CRYBG3: variants seen among roughly 807,000 people sequenced by gnomAD.
CRYBG3 encodes very large A-kinase anchor protein.
In CRYBG3, 127 loss-of-function variants were observed where a neutral mutation model predicts 244.2. The observed-to-expected ratio is 0.52, with a 90% CI of 0.45 to 0.60. CRYBG3 has a LOEUF of 0.60. Among genes scored for constraint, CRYBG3 ranks in the 20% least tolerant of loss-of-function variants. The pLI, the probability that CRYBG3 is intolerant of heterozygous loss-of-function variation, is 0.00. For synonymous variants in CRYBG3, 1,132 were observed against 1,195.8 expected, an observed-to-expected ratio of 0.95 and a Z score of 1.10; for missense variants, 3,325 against 3,442.5, an observed-to-expected ratio of 0.97 and a Z score of 0.85.
chr3:97,858,697 C>A (rs764262956), intron 2 of CRYBG3, among the ~76,000 whole-genome samples: 49 of 152,066 alleles, frequency 3.2e-4, no homozygotes, highest in Admixed American at 1.3e-3. Flanking sequence ...TTGACTTTAT[C>A]ATTCATATCA....
intron 19 of CRYBG3, among the ~76,000 whole-genome samples, chr3:97,940,783 G>A (rs906509842): frequency 1.3e-5 from 2 of 151,848 alleles, no homozygotes; most frequent in Non-Finnish European, 2.9e-5. Flanking sequence ...ATCCTTGTAG[G>A]TAATAACTCC....
intron 17 of CRYBG3, among the ~76,000 whole-genome samples, chr3:97,923,440 G>T (rs546187494): frequency 6.6e-6 from 1 of 152,086 alleles, no homozygotes; most frequent in Non-Finnish European, 1.5e-5. Flanking sequence ...TTTTGAAAAT[G>T]CAGGCCAACA....
chr3:97,846,591 A>T (rs1309413586), intron 2 of CRYBG3, among the ~76,000 whole-genome samples: 2 of 151,856 alleles, frequency 1.3e-5, no homozygotes, highest in East Asian at 3.9e-4. Context: ...GAAAGTAGGG[A>T]GGATTGTCTT....
At chr3:97,882,128 G>A (rs572665631) in intron 7 of CRYBG3, among the ~76,000 whole-genome samples, 4 of 152,108 alleles carry the variant, frequency 2.6e-5, no homozygotes, top group South Asian at 2.1e-4. Context: ...AGAATCACTT[G>A]AACCTGGAGG....
chr3:97,873,049 C>A lies in CRYBG3; in HGVS notation c.1855C>A (p.His619Asn). Residue 619 changes from histidine to asparagine, a missense_variant, in exon 4 of 22, where the codon CAC becomes AAC. This residue lies in a region of CRYBG3 where 1,526 missense variants were observed against 1,443.2 expected (regional missense o/e 1.06). Transcript: ENST00000389622. ...GTTGAAATTTGAACTTAATAGAAGT[C>A]ACATTTCAGAAACTCCTCTTGACTC... Reference protein sequence around the residue: ...PELKFELNRSHISETPLDSES... With the variant: ...PELKFELNRSNISETPLDSES... 1.3e-6 allele frequency: 2 copies of A among 1,534,688 alleles called. No individual in the cohort carries two copies. The highest frequency in any genetic ancestry group is 2.4e-5 in the South Asian group (2 of 83,650).
intron 15 of CRYBG3, among the ~76,000 whole-genome samples, chr3:97,906,106 C>T (rs1374137293): frequency 6.7e-6 from 1 of 148,690 alleles, no homozygotes; most frequent in Non-Finnish European, 1.5e-5. Flanking sequence ...TGATCTATAT[C>T]TCTGTTTTGG....
At chr3:97,941,342 G>A in intron 20 of CRYBG3, 36 bp downstream of exon 20, 3 of 1,485,502 alleles carry the variant, frequency 2.0e-6, no homozygotes, top group Non-Finnish European at 2.7e-6. Context: ...GCCACTTTCT[G>A]GTCTGTTTTT....
chr3:97,900,559 C>G, intron 15 of CRYBG3, 74 bp downstream of exon 15: 2 of 939,948 alleles, frequency 2.1e-6, no homozygotes, highest in South Asian at 1.5e-5. Flanking sequence ...TCAAATCTTT[C>G]TCTTTTCTGC....
At position 97,874,234 on chromosome 3, in the gene CRYBG3, T is replaced by A; in HGVS notation, c.3040T>A (p.Ser1014Thr). The A allele has an allele frequency of 6.5e-7, 1 of 1,535,032 alleles. No homozygotes were observed. Among genetic ancestry groups the A allele is most frequent in the East Asian group, 2.4e-5 (1 of 40,902 alleles). The change falls in exon 4 of 22, where the codon TCC becomes ACC. Residue 1014 changes from serine to threonine, a missense_variant. Ser to Thr is a moderately conservative substitution (Grantham distance 58). This residue lies in a region of CRYBG3 where 1,526 missense variants were observed against 1,443.2 expected (regional missense o/e 1.06). Transcript: ENST00000389622. ...KVNSPFLDSD[S>T]SLEKNSSASE... ...AAATTCACCTTTTCTGGATTCTGATTCCAGTTTGGAAAAAAATTCTTCTGC... is the reference window on the plus strand; with the variant it reads ...AAATTCACCTTTTCTGGATTCTGATACCAGTTTGGAAAAAAATTCTTCTGC...
At chr3:97,921,565 G>C (rs1228588624) in intron 17 of CRYBG3, among the ~76,000 whole-genome samples, 1 of 152,122 alleles carries the variant, frequency 6.6e-6, no homozygotes, top group African/African-American at 2.4e-5. Context: ...ATAGGTTTGT[G>C]TCTTATCCAT....
chr3:97,942,395 G>A lies in CRYBG3; in HGVS notation c.8776G>A (p.Gly2926Arg), dbSNP rs1192526968. The change falls in exon 21 of 22, where the codon GGA (glycine) becomes AGA (arginine). Residue 2926 changes from glycine (G) to arginine (R), a missense_variant. By Grantham distance (125) the Gly-to-Arg change is moderately radical. Transcript: ENST00000389622. ...FRQKWRLNKN[G>R]TISSYLSDQL... is the part of the protein sequence containing the mutation. ...GCAGAAGTGGAGACTGAATAAAAAT[G>A]GAACTATCAGCTCTTATCTCAGTGA... is the stretch of plus-strand genomic sequence containing the variant. 4 of 1,611,558 alleles carry A rather than the reference G, an allele frequency of 2.5e-6. No individual in the cohort carries two copies. In the African/African-American group the frequency reaches 5.4e-5, roughly 22 times the overall value.
intron 1 of CRYBG3, among the ~76,000 whole-genome samples, chr3:97,833,729 A>T (rs2038689570): frequency 6.6e-6 from 1 of 152,176 alleles, no homozygotes; most frequent in African/African-American, 2.4e-5. Flanking sequence ...AATAAAAAAA[A>T]TTGCTAAAAG....
Position 97,875,355 on chromosome 3 carries a change from T to C in CRYBG3, c.4161T>C (p.Ala1387=). 1 of 1,426,828 alleles carries C rather than the reference T, an allele frequency of 7.0e-7. No individual in the cohort carries two copies. Among genetic ancestry groups the C allele is most frequent in the Non-Finnish European group, 9.1e-7 (1 of 1,099,020 alleles). 88.4% of individuals were successfully genotyped at this position (1,426,828 alleles called of 1,614,324 possible). A position where few individuals can be genotyped will look rare whatever the true frequency, so the allele number is the denominator to read the frequency against. The change falls in exon 4 of 22, where the codon GCT becomes GCC. Residue 1387 remains alanine, a synonymous_variant. Coordinates refer to ENST00000389622, the MANE Select transcript of CRYBG3 (RefSeq NM_153605.4). ...AATTCTTCTCCCTAAGTAACTTAGC[T>C]AGTGGCACAGAGTCAATTAAGGGAG... ...LNEFFSLSNL[A]SGTESIKGGE...
chr3:97,898,839 C>T (rs2039670086), intron 12 of CRYBG3, 44 bp from the exon 13 acceptor site: 5 of 1,421,794 alleles, frequency 3.5e-6, no homozygotes, highest in Non-Finnish European at 4.8e-6. Flanking sequence ...GTCCATAAAA[C>T]AGAATATGTA....
intron 15 of CRYBG3, among the ~76,000 whole-genome samples, chr3:97,908,345 G>T (rs942822745): frequency 1.3e-5 from 2 of 152,004 alleles, no homozygotes; most frequent in African/African-American, 2.4e-5. Flanking sequence ...TTGACAGTGG[G>T]GTGTTAAAGT....
At chr3:97,850,845 A>G (rs1261726097) in intron 2 of CRYBG3, among the ~76,000 whole-genome samples, 3 of 152,172 alleles carry the variant, frequency 2.0e-5, no homozygotes, top group Non-Finnish European at 4.4e-5. Flanking sequence ...AAAGGTACTG[A>G]TTTTGATTTA....
chr3:97,893,570 G>C (rs2108234465), intron 11 of CRYBG3, among the ~76,000 whole-genome samples: 1 of 152,342 alleles, frequency 6.6e-6, no homozygotes, highest in Admixed American at 6.5e-5. Context: ...ATCTGTGATG[G>C]GCCTGGGATG....
chr3:97,874,902 G>C lies in CRYBG3; in HGVS notation c.3708G>C (p.Leu1236=), dbSNP rs374884205. The C allele has an allele frequency of 6.5e-7, 1 of 1,535,126 alleles. No individual in the cohort carries two copies. The highest frequency in any genetic ancestry group is 1.2e-5 in the South Asian group (1 of 83,856). ...EHIAIEGIMN[L]GTLKEDISEK... is the part of the protein sequence containing the mutation. ...TAGCCATAGAAGGTATAATGAATCTGGGTACCCTGAAAGAAGACATCTCTG... is the reference window on the plus strand; with the variant it reads ...TAGCCATAGAAGGTATAATGAATCTCGGTACCCTGAAAGAAGACATCTCTG... Residue 1236 remains leucine, a synonymous_variant, in exon 4 of 22, where the codon CTG becomes CTC. Transcript: ENST00000389622.
intron 1 of CRYBG3, among the ~76,000 whole-genome samples, chr3:97,824,074 G>A (rs141684935): frequency 8.5e-5 from 13 of 152,290 alleles, no homozygotes; most frequent in African/African-American, 2.6e-4. Flanking sequence ...CCAGATGTTA[G>A]GGGGATAGCA....
Sources: gnomAD v4.1 joint callset for allele counts (sites outside exome capture counted in the v4.1 genomes callset) on GRCh38, gnomAD v4.1.1 for gene constraint, gnomAD v4.1.1 regional missense constraint, MANE v1.5 for transcripts, NCBI Gene and HGNC (gene_info 2026-07-23, HGNC 2026-07-21) for gene names.